The following AUTS2 variants were observed in gnomAD, a reference collection of about 807,000 sequenced individuals.
AUTS2 encodes activator of transcription and developmental regulator AUTS2, also known as autism susceptibility gene 2 protein.
In AUTS2, 17 loss-of-function variants were observed where a neutral mutation model predicts 112.4. The observed-to-expected ratio is 0.15, with a 90% CI of 0.10 to 0.23. The LOEUF is 0.23. Among genes scored for constraint, AUTS2 ranks in the 10% least tolerant of loss-of-function variants. The pLI is 1.00. For synonymous variants in AUTS2, 751 were observed against 702.7 expected (o/e 1.07, Z -1.09); for missense variants, 1,510 against 1,701.6 (o/e 0.89, Z 1.98).
intron 13 of AUTS2, among the ~76,000 whole-genome samples, 179 bp downstream of exon 13, chr7:70,775,565 C>T (rs1049210505): frequency 6.7e-6 from 1 of 148,624 alleles, no homozygotes; most frequent in Non-Finnish European, 1.5e-5. Context: ...TTGCTTTGAC[C>T]GTTGGAGGCC....
chr7:70,399,644 T>G (rs1210112746), intron 4 of AUTS2, among the ~76,000 whole-genome samples: 2 of 152,192 alleles, frequency 1.3e-5, no homozygotes. Context: ...AAAACACTCT[T>G]GTTTGGTTTG....
chr7:70,117,504 A>AT (rs1440520710), intron 2 of AUTS2, among the ~76,000 whole-genome samples: 2 of 152,088 alleles, frequency 1.3e-5, no homozygotes, highest in African/African-American at 4.8e-5. Context: ...TCTTTTCATT[A>AT]TTGAAAAAAA....
intron 5 of AUTS2, among the ~76,000 whole-genome samples, chr7:70,531,682 T>C (rs1261189858): frequency 6.6e-6 from 1 of 151,966 alleles, no homozygotes; most frequent in Admixed American, 6.6e-5. Context: ...ACCAAGCCAT[T>C]CATGAGGGAT....
At chr7:69,989,927 G>A (rs905523979) in intron 2 of AUTS2, among the ~76,000 whole-genome samples, 1 of 152,134 alleles carries the variant, frequency 6.6e-6, no homozygotes, top group African/African-American at 2.4e-5. Context: ...CTGCTTCCAT[G>A]AGAATCTAAT....
chr7:69,626,333 AT>A (rs987928361), intron 1 of AUTS2, among the ~76,000 whole-genome samples: 1 of 150,746 alleles, frequency 6.6e-6, no homozygotes, highest in African/African-American at 2.4e-5. Flanking sequence ...AATTATTATT[AT>A]TTTTTTTTGC....
At chr7:70,550,212 G>A (rs1293162617) in intron 5 of AUTS2, among the ~76,000 whole-genome samples, 1 of 152,160 alleles carries the variant, frequency 6.6e-6, no homozygotes, top group Non-Finnish European at 1.5e-5. Context: ...AAGGTCTGAG[G>A]ACATTGGCTG....
intron 5 of AUTS2, among the ~76,000 whole-genome samples, chr7:70,496,848 G>GAC (rs1562995061): frequency 6.8e-5 from 4 of 58,592 alleles, no homozygotes; most frequent in Admixed American, 2.2e-4. Flanking sequence ...CACGTACACA[G>GAC]TCACACACAC....
chr7:70,543,025 C>G (rs1159880580), intron 5 of AUTS2, among the ~76,000 whole-genome samples: 1 of 152,166 alleles, frequency 6.6e-6, no homozygotes, highest in Non-Finnish European at 1.5e-5. Flanking sequence ...TTCTGACACT[C>G]TCTAGCTAAA....
chr7:69,907,363 G>T (rs1795188736), intron 2 of AUTS2, among the ~76,000 whole-genome samples: 1 of 152,138 alleles, frequency 6.6e-6, no homozygotes, highest in Non-Finnish European at 1.5e-5. Context: ...TTGTTCTCTT[G>T]AACTTTGGGA....
At chr7:70,760,514 C>T (rs190926778) in intron 6 of AUTS2, among the ~76,000 whole-genome samples, 150 of 152,306 alleles carry the variant, frequency 9.8e-4, no homozygotes, top group Middle Eastern at 3.4e-3. Context: ...ATATGAAGCA[C>T]GTGATTTTTC....
At chr7:70,113,350 A>G (rs1805184231) in intron 2 of AUTS2, among the ~76,000 whole-genome samples, 1 of 152,192 alleles carries the variant, frequency 6.6e-6, no homozygotes, top group Admixed American at 6.5e-5. Flanking sequence ...TTAAAACTTA[A>G]AGAATAAAAT....
In AUTS2 at chr7:69,733,299, A is replaced by C. The variant is rs116741940; in HGVS notation, c.309+133337A>C. On this transcript the variant is annotated intron_variant, in intron 1 of 18. Transcript: ENST00000342771. ...AGAGCAGAGAGGGAACTGTTTTTAA[A>C]CTATGTATATAGTCACTATGTGATT... Among the ~76,000 whole-genome samples, 604 of 152,282 alleles carry C rather than the reference A, an allele frequency of 4.0e-3. 4 individuals carry two copies. The highest frequency in any genetic ancestry group is 7.7e-3 in the Non-Finnish European group (525 of 68,022).
chr7:70,063,327 G>A (rs1339748925), intron 2 of AUTS2, among the ~76,000 whole-genome samples: 1 of 151,474 alleles, frequency 6.6e-6, no homozygotes, highest in East Asian at 1.9e-4. Flanking sequence ...TGCTCTGCTA[G>A]ATTTAAATGG....
intron 5 of AUTS2, among the ~76,000 whole-genome samples, chr7:70,441,392 C>G (rs1156325299): frequency 1.3e-5 from 2 of 152,028 alleles, no homozygotes; most frequent in African/African-American, 4.8e-5. Context: ...GGTGCATTCC[C>G]TTTTTTGTTT....
Position 70,777,321 on chromosome 7 carries a change from T to C in AUTS2, c.2004+147T>C, listed in dbSNP as rs969300588. On this transcript the variant is annotated intron_variant, in intron 14 of 18. Transcript: ENST00000342771. ...ATCAAGCCTCTCTTGGAAAAGCTAC[T>C]CAGAAGTCTTACTTATTTTTTCCTA... The C allele has an allele frequency of 1.6e-5, 12 of 730,182 alleles. No individual in the cohort carries two copies. In the Admixed American group the frequency reaches 1.8e-4, roughly 11 times the overall value. 45.2% of individuals were successfully genotyped at this position (730,182 alleles called of 1,614,324 possible). A position where few individuals can be genotyped will look rare whatever the true frequency, so the allele number is the denominator to read the frequency against.
At chr7:69,791,360 C>T (rs1444952906) in intron 1 of AUTS2, among the ~76,000 whole-genome samples, 1 of 152,152 alleles carries the variant, frequency 6.6e-6, no homozygotes, top group Non-Finnish European at 1.5e-5. Context: ...AGGTTTGGGG[C>T]TGTAATTTCA....
intron 4 of AUTS2, among the ~76,000 whole-genome samples, chr7:70,350,223 A>G (rs957378090): frequency 6.6e-6 from 1 of 151,320 alleles, no homozygotes; most frequent in African/African-American, 2.4e-5. Flanking sequence ...GAAGAGACCT[A>G]TTTTTTTTTA....
At chr7:70,178,188 C>T (rs1809098156) in intron 4 of AUTS2, among the ~76,000 whole-genome samples, 1 of 152,096 alleles carries the variant, frequency 6.6e-6, no homozygotes, top group Admixed American at 6.6e-5. Flanking sequence ...ACATGATGTC[C>T]TTTAGCCCCG....
chr7:70,194,117 C>T (rs931254377), intron 4 of AUTS2, among the ~76,000 whole-genome samples: 29 of 152,142 alleles, frequency 1.9e-4, no homozygotes, highest in Admixed American at 9.2e-4. Context: ...GTAAGCATAA[C>T]GTTTGGCCAG....
Sources: allele counts gnomAD v4.1 joint callset (sites outside exome capture counted in the v4.1 genomes callset), GRCh38; gene constraint gnomAD v4.1.1; transcripts MANE v1.5; gene names NCBI Gene and HGNC (gene_info 2026-07-23, HGNC 2026-07-21).